The following NAV2 variants were observed in gnomAD, a reference collection of about 807,000 sequenced individuals.
NAV2 encodes the protein helicase, APC down-regulated 1.
Under a neutral mutation model 223.2 loss-of-function variants are expected in NAV2, and 54 were observed. That is an observed-to-expected ratio of 0.24 (90% CI 0.19 to 0.30). NAV2 has a LOEUF of 0.30. Among genes scored for constraint, NAV2 ranks in the 10% least tolerant of loss-of-function variants. The pLI, the probability that NAV2 is intolerant of heterozygous loss-of-function variation, is 1.00. For missense variants in NAV2, 2,806 were observed against 3,147.5 expected (o/e 0.89, Z 2.60); for synonymous variants, 1,279 against 1,239.3 (o/e 1.03, Z -0.67).
At chr11:19,446,431 CAG>C (rs1374593029) in intron 1 of NAV2, among the ~76,000 whole-genome samples, 5 of 152,244 alleles carry the variant, frequency 3.3e-5, no homozygotes, top group African/African-American at 1.2e-4. Flanking sequence ...TCAGCCGACA[CAG>C]AGAACAAGGC....
chr11:20,091,276 C>T (rs1020495071), intron 27 of NAV2, among the ~76,000 whole-genome samples: 7 of 152,294 alleles, frequency 4.6e-5, no homozygotes, highest in South Asian at 2.1e-4. Flanking sequence ...CAGTCTCCTT[C>T]AGCTGGCCTT....
At chr11:19,614,220 G>C (rs2046725971) in intron 1 of NAV2, among the ~76,000 whole-genome samples, 1 of 152,148 alleles carries the variant, frequency 6.6e-6, no homozygotes, top group Admixed American at 6.5e-5. Context: ...TCTGGTGGGG[G>C]TTGAAGAGGA....
At chr11:20,006,600 G>A (rs572477709) in intron 11 of NAV2, among the ~76,000 whole-genome samples, 4 of 152,214 alleles carry the variant, frequency 2.6e-5, no homozygotes, top group East Asian at 1.9e-4. Context: ...ACTTGAACCC[G>A]GGAGGCGGAG....
chr11:19,988,450 T>C (rs1287380797), intron 11 of NAV2, among the ~76,000 whole-genome samples: 1 of 152,032 alleles, frequency 6.6e-6, no homozygotes, highest in African/African-American at 2.4e-5. Flanking sequence ...AAAAAACAAA[T>C]GCTGTGTGGT....
intron 1 of NAV2, among the ~76,000 whole-genome samples, chr11:19,422,562 C>A (rs1850661066): frequency 6.6e-6 from 1 of 151,360 alleles, no homozygotes; most frequent in Admixed American, 6.6e-5. Context: ...GGAAGCCGCC[C>A]ATAAGGCCCT....
At chr11:19,528,990 G>T (rs948468391) in intron 1 of NAV2, among the ~76,000 whole-genome samples, 3 of 143,940 alleles carry the variant, frequency 2.1e-5, no homozygotes, top group Non-Finnish European at 4.6e-5. Context: ...AAACATTAAA[G>T]AAAAAGAAAC....
intron 1 of NAV2, among the ~76,000 whole-genome samples, chr11:19,407,238 C>T (rs900623649): frequency 6.6e-6 from 1 of 152,202 alleles, no homozygotes; most frequent in Non-Finnish European, 1.5e-5. Context: ...ACAAACAAGG[C>T]AGCCCCTGCC....
intron 1 of NAV2, among the ~76,000 whole-genome samples, chr11:19,631,015 TG>T (rs760174494): frequency 2.6e-5 from 4 of 151,114 alleles, no homozygotes; most frequent in South Asian, 4.2e-4. Flanking sequence ...TGTTTTGTTT[TG>T]TTTTTTTAAT....
intron 36 of NAV2, 93 bp from the exon 37 acceptor site, chr11:20,114,499 T>C (rs2062888386): frequency 8.8e-7 from 1 of 1,133,826 alleles, no homozygotes; most frequent in East Asian, 2.4e-5. Flanking sequence ...GGCATGATGC[T>C]GGATTTGGGG....
At chr11:19,787,298 T>TTTTG (rs2057200383) in intron 1 of NAV2, among the ~76,000 whole-genome samples, 1 of 138,240 alleles carries the variant, frequency 7.2e-6, no homozygotes, top group African/African-American at 2.8e-5. Context: ...TTTTTTTTTT[T>TTTTG]GGAGATGGGG....
At chr11:19,985,761 A>G (rs1226418403) in intron 11 of NAV2, among the ~76,000 whole-genome samples, 2 of 152,038 alleles carry the variant, frequency 1.3e-5, no homozygotes, top group Admixed American at 1.3e-4. Context: ...TTTTTAGTAG[A>G]GACGGGGTTT....
At chr11:20,023,335 T>A (rs2054689514) in intron 11 of NAV2, among the ~76,000 whole-genome samples, 1 of 152,012 alleles carries the variant, frequency 6.6e-6, no homozygotes. Flanking sequence ...TCACCTCTTC[T>A]CCTCTTCCGC....
At chr11:19,810,929 A>G (rs1216286618) in intron 1 of NAV2, among the ~76,000 whole-genome samples, 1 of 152,114 alleles carries the variant, frequency 6.6e-6, no homozygotes, top group Non-Finnish European at 1.5e-5. Context: ...TGACATCCTT[A>G]TTTGATTAAT....
intron 1 of NAV2, among the ~76,000 whole-genome samples, chr11:19,738,044 A>T (rs2152443727): frequency 6.6e-6 from 1 of 152,358 alleles, no homozygotes; most frequent in East Asian, 1.9e-4. Flanking sequence ...AACTTCATGA[A>T]TGAAAAGGTA....
chr11:20,044,441 G>A, intron 13 of NAV2, 169 bp downstream of exon 13: 1 of 668,660 alleles, frequency 1.5e-6, no homozygotes, highest in South Asian at 2.1e-5. Flanking sequence ...GTGGAAATAA[G>A]TAAGCATGGG....
In NAV2 at chr11:20,057,971, T is replaced by C. The variant is rs543642615; in HGVS notation, c.4831+2014T>C. ...AAGCACAGAGGTAAAAGTCAAACTT[T>C]AGGGGAATGGATAGGGACCGCTGTC... is the stretch of plus-strand genomic sequence containing the variant. On this transcript the variant is annotated intron_variant, in intron 19 of 37. Transcript: ENST00000349880. Among the ~76,000 whole-genome samples the C allele has an allele frequency of 4.1e-4, 62 of 152,326 alleles. No homozygotes were observed. The Middle Eastern group carries it at 0.014, about 33-fold the overall frequency.
In NAV2 at chr11:19,903,939, T is replaced by A. The variant is rs561318602; in HGVS notation, c.931+11345T>A. Among the ~76,000 whole-genome samples, 125 of 152,320 alleles carry A rather than the reference T, an allele frequency of 8.2e-4. 1 individual carries two copies. Among genetic ancestry groups the A allele is most frequent in the African/African-American group, 2.8e-3 (118 of 41,562 alleles). ...TTCATGTGGCCTAGTGGAAAGACTT[T>A]CTCTTGAGTGGTGAGGAACTGACAG... On this transcript the variant is annotated intron_variant, in intron 6 of 37. Coordinates refer to ENST00000349880, the MANE Select transcript of NAV2 (RefSeq NM_145117.5).
chr11:19,565,999 A>G (rs2045254746), intron 1 of NAV2, among the ~76,000 whole-genome samples: 1 of 150,736 alleles, frequency 6.6e-6, no homozygotes, highest in Admixed American at 6.6e-5. Context: ...ACCGCAGGAC[A>G]CTGGGCTGCA....
intron 1 of NAV2, among the ~76,000 whole-genome samples, chr11:19,774,248 C>A (rs1448787043): frequency 6.6e-6 from 1 of 152,228 alleles, no homozygotes; most frequent in Non-Finnish European, 1.5e-5. Flanking sequence ...ACCATCATAG[C>A]TCATTGCAGC....
Sources: allele counts gnomAD v4.1 joint callset (sites outside exome capture counted in the v4.1 genomes callset), GRCh38; gene constraint gnomAD v4.1.1; transcripts MANE v1.5; gene names NCBI Gene and HGNC (gene_info 2026-07-23, HGNC 2026-07-21).